The following FMN1 variants were observed in gnomAD, a reference collection of about 807,000 sequenced individuals.
FMN1 encodes formin-1.
A neutral mutation model predicts 132.4 loss-of-function variants in FMN1; 110 were observed. The ratio of observed to expected loss-of-function variants is 0.83; its 90% confidence interval spans 0.71 to 0.97. FMN1 has a LOEUF of 0.97. FMN1 is among the 50% of genes least tolerant of loss of function. FMN1 has a pLI of 0.00. For synonymous variants in FMN1, 722 were observed against 651.7 expected, an observed-to-expected ratio of 1.11 and a Z score of -1.64; for missense variants, 1,792 against 1,705.3, an observed-to-expected ratio of 1.05 and a Z score of -0.90.
At chr15:32,805,482 C>T (rs1186121956) in intron 17 of FMN1, among the ~76,000 whole-genome samples, 1 of 152,174 alleles carries the variant, frequency 6.6e-6, no homozygotes, top group Non-Finnish European at 1.5e-5. Flanking sequence ...GTTTCTTCTG[C>T]TGTGCAGAAG....
intron 3 of FMN1, among the ~76,000 whole-genome samples, chr15:33,160,352 C>A (rs1268457127): frequency 1.3e-5 from 2 of 152,184 alleles, no homozygotes; most frequent in African/African-American, 2.4e-5. Context: ...GGTTGACTAG[C>A]TGGTTGTTTC....
chr15:33,116,759 TTTTC>T (rs2039943036), intron 4 of FMN1, among the ~76,000 whole-genome samples: 1 of 152,086 alleles, frequency 6.6e-6, no homozygotes, highest in African/African-American at 2.4e-5. Flanking sequence ...TATGGCTTTT[TTTTC>T]CCTCATGAGA....
intron 19 of FMN1, among the ~76,000 whole-genome samples, chr15:32,791,992 A>T (rs974986201): frequency 7.9e-5 from 12 of 152,140 alleles, no homozygotes; most frequent in Admixed American, 3.9e-4. Flanking sequence ...AACAAAACAG[A>T]GAATAGAGCA....
At chr15:32,876,187 T>G (rs1321736334) in intron 16 of FMN1, among the ~76,000 whole-genome samples, 1 of 152,280 alleles carries the variant, frequency 6.6e-6, no homozygotes, top group African/African-American at 2.4e-5. Flanking sequence ...AAAGCACTTG[T>G]GTTGTTTCTA....
At chr15:33,151,321 G>A in intron 4 of FMN1, 1 of 1,536,534 alleles carries the variant, frequency 6.5e-7, no homozygotes, top group Non-Finnish European at 8.7e-7. Context: ...AAGCACAGGA[G>A]ATGCTTACAG....
At chr15:33,026,317 G>A (rs2035668148) in intron 6 of FMN1, among the ~76,000 whole-genome samples, 1 of 150,122 alleles carries the variant, frequency 6.7e-6, no homozygotes, top group South Asian at 2.1e-4. Context: ...AAGTATAGAT[G>A]GTTAATATAT....
chr15:33,135,808 C>A (rs1257636920), intron 4 of FMN1, among the ~76,000 whole-genome samples: 1 of 152,114 alleles, frequency 6.6e-6, no homozygotes, highest in African/African-American at 2.4e-5. Flanking sequence ...ATTCTATGAA[C>A]CAAAAAAACC....
intron 6 of FMN1, among the ~76,000 whole-genome samples, chr15:33,039,043 C>T (rs1405606965): frequency 6.6e-6 from 1 of 152,140 alleles, no homozygotes; most frequent in Non-Finnish European, 1.5e-5. Flanking sequence ...TGTTTCCCCA[C>T]TGAAGACTGA....
chr15:32,935,496 T>C (rs2061243247), intron 9 of FMN1, among the ~76,000 whole-genome samples: 1 of 152,220 alleles, frequency 6.6e-6, no homozygotes, highest in South Asian at 2.1e-4. Flanking sequence ...TGAATGTTTA[T>C]TTCTTCCGCC....
At chr15:32,962,277 C>T (rs1172998318) in intron 9 of FMN1, among the ~76,000 whole-genome samples, 1 of 152,120 alleles carries the variant, frequency 6.6e-6, no homozygotes, top group Non-Finnish European at 1.5e-5. Context: ...AAGTCGAAAA[C>T]TGGCTAGCCA....
intron 12 of FMN1, among the ~76,000 whole-genome samples, chr15:32,904,176 A>AG (rs2060365736): frequency 6.6e-6 from 1 of 152,140 alleles, no homozygotes; most frequent in Non-Finnish European, 1.5e-5. Context: ...TGGATCCAGA[A>AG]GAGGAGCTAG....
chr15:32,872,440 C>T (rs763269699), intron 16 of FMN1, among the ~76,000 whole-genome samples: 2 of 152,218 alleles, frequency 1.3e-5, no homozygotes, highest in Non-Finnish European at 2.9e-5. Flanking sequence ...ATTATAGCAA[C>T]ACATCTTATC....
intron 10 of FMN1, among the ~76,000 whole-genome samples, chr15:32,918,928 C>G (rs1171445200): frequency 6.6e-6 from 1 of 152,000 alleles, no homozygotes; most frequent in African/African-American, 2.4e-5. Context: ...GTTTTAGACA[C>G]AGCAGGAAGG....
At chr15:32,960,720 G>A (rs2030414173) in intron 9 of FMN1, among the ~76,000 whole-genome samples, 1 of 152,030 alleles carries the variant, frequency 6.6e-6, no homozygotes, top group Non-Finnish European at 1.5e-5. Flanking sequence ...ACGTAGCCTG[G>A]CACGGTGGCT....
At position 33,178,610 on chromosome 15, in the gene FMN1, C is replaced by T. The variant is rs111490881; in HGVS notation, c.-132+1588G>A. Among the ~76,000 whole-genome samples the T allele has an allele frequency of 3.8e-3, 575 of 152,290 alleles. 4 individuals carry two copies. The highest frequency in any genetic ancestry group is 0.013 in the African/African-American group (535 of 41,548). ...GCACAGCTTTAGGACTATACTGCCT[C>T]GGTTAAAATCCCAGCTCTTCCACTT... On this transcript the variant is annotated intron_variant, in intron 3 of 20. Coordinates refer to ENST00000616417, the MANE Select transcript of FMN1 (RefSeq NM_001277313.2).
At chr15:33,106,714 G>A (rs1048297194) in intron 4 of FMN1, among the ~76,000 whole-genome samples, 1 of 151,988 alleles carries the variant, frequency 6.6e-6, no homozygotes, top group African/African-American at 2.4e-5. Context: ...GATGACCTTT[G>A]CACTGTACAA....
chr15:33,038,151 C>T lies in FMN1; in HGVS notation c.2161+26806G>A, dbSNP rs542767648. Reference sequence around the variant, plus strand: ...GCTGAGGCAGGAGAATCGCTTCTATCCAGGAGGAAGAGGTAGCAGTGAGCC... The same window carrying T: ...GCTGAGGCAGGAGAATCGCTTCTATTCAGGAGGAAGAGGTAGCAGTGAGCC... On this transcript the variant is annotated intron_variant, in intron 6 of 20. Transcript: ENST00000616417. 3.9e-5 allele frequency among the ~76,000 whole-genome samples: 6 copies of T among 152,324 alleles called. No homozygotes were observed. The East Asian group carries it at 7.7e-4, about 20-fold the overall frequency.
intron 4 of FMN1, among the ~76,000 whole-genome samples, chr15:33,123,293 T>C (rs1962739880): frequency 6.6e-6 from 1 of 152,064 alleles, no homozygotes; most frequent in Non-Finnish European, 1.5e-5. Flanking sequence ...TGGGGTCATG[T>C]CACTCCTTTG....
intron 3 of FMN1, among the ~76,000 whole-genome samples, chr15:33,159,103 A>T (rs1248534335): frequency 6.6e-6 from 1 of 152,190 alleles, no homozygotes; most frequent in Non-Finnish European, 1.5e-5. Flanking sequence ...AATTGCTTCA[A>T]CCCAGGAGAT....
Sources: gnomAD v4.1 joint callset for allele counts (sites outside exome capture counted in the v4.1 genomes callset) on GRCh38, gnomAD v4.1.1 for gene constraint, MANE v1.5 for transcripts, NCBI Gene and HGNC (gene_info 2026-07-23, HGNC 2026-07-21) for gene names.